Variants in PTPRZ1 observed in about 807,000 individuals in gnomAD.
PTPRZ1 encodes the protein receptor-type tyrosine-protein phosphatase zeta.
PTPRZ1 carries 82 observed loss-of-function variants against 214.1 expected under a neutral mutation model. The observed-to-expected ratio is 0.38, with a 90% CI of 0.32 to 0.46. The LOEUF (loss-of-function observed/expected upper bound fraction) is 0.46. Ranked by LOEUF, PTPRZ1 falls within the 20% of genes least tolerant of loss-of-function variation. The pLI is 1.00. For missense variants in PTPRZ1, 2,603 were observed against 2,748.7 expected, an observed-to-expected ratio of 0.95 and a Z score of 1.19; for synonymous variants, 945 against 987.9, an observed-to-expected ratio of 0.96 and a Z score of 0.81.
chr7:122,054,360 GTGT>G (rs1792285470), intron 26 of PTPRZ1, among the ~76,000 whole-genome samples: 40 of 151,994 alleles, frequency 2.6e-4, no homozygotes, highest in Admixed American at 2.6e-3. Context: ...AAAATAAAAT[GTGT>G]TAGAATATTT....
At chr7:121,935,544 T>TG (rs1563025619) in intron 2 of PTPRZ1, among the ~76,000 whole-genome samples, 1 of 131,090 alleles carries the variant, frequency 7.6e-6, no homozygotes, top group African/African-American at 2.8e-5. Flanking sequence ...TTGGGGTTTT[T>TG]TTTGTTTGTT....
At chr7:121,878,205 A>G (rs1794120365) in intron 1 of PTPRZ1, among the ~76,000 whole-genome samples, 1 of 152,210 alleles carries the variant, frequency 6.6e-6, no homozygotes, top group Non-Finnish European at 1.5e-5. Flanking sequence ...TAGCTATGTA[A>G]TTTAAAATTT....
At chr7:121,940,660 C>A (rs1032291717) in intron 2 of PTPRZ1, among the ~76,000 whole-genome samples, 5 of 152,156 alleles carry the variant, frequency 3.3e-5, no homozygotes, top group Admixed American at 6.5e-5. Flanking sequence ...GTGTCTGGTG[C>A]ATATAAAGTG....
At chr7:121,887,875 A>G (rs951456246) in intron 1 of PTPRZ1, among the ~76,000 whole-genome samples, 1 of 151,932 alleles carries the variant, frequency 6.6e-6, no homozygotes, top group Non-Finnish European at 1.5e-5. Flanking sequence ...CATCCCCCCA[A>G]CACCCCAGCT....
At chr7:122,014,518 A>C (rs964666129) in intron 12 of PTPRZ1, among the ~76,000 whole-genome samples, 12 of 151,992 alleles carry the variant, frequency 7.9e-5, no homozygotes, top group African/African-American at 2.7e-4. Flanking sequence ...GGCTTACTAC[A>C]AGCTCCGCCT....
chr7:121,920,601 A>T (rs1193017994), intron 1 of PTPRZ1, among the ~76,000 whole-genome samples: 1 of 152,210 alleles, frequency 6.6e-6, no homozygotes, highest in African/African-American at 2.4e-5. Context: ...CTAGGTAACT[A>T]TAATGATTGT....
intron 8 of PTPRZ1, among the ~76,000 whole-genome samples, chr7:121,989,616 C>T (rs1426696134): frequency 2.0e-5 from 3 of 152,134 alleles, no homozygotes; most frequent in East Asian, 1.9e-4. Context: ...TCAGGTGATC[C>T]GCCCACCTCG....
Position 122,011,598 on chromosome 7 carries a change from G to A in PTPRZ1, c.2552G>A (p.Ser851Asn). Reference protein sequence around the residue: ...ILPQVTSATESDKVPLHASLP... With the variant: ...ILPQVTSATENDKVPLHASLP... Reference sequence around the variant, plus strand: ...CCACAAGTTACTTCAGCTACCGAGAGTGATAAGGTGCCCTTGCATGCTTCT... The same window carrying A: ...CCACAAGTTACTTCAGCTACCGAGAATGATAAGGTGCCCTTGCATGCTTCT... The change falls in exon 12 of 30, where the codon AGT (serine) becomes AAT (asparagine). Residue 851 changes from serine to asparagine, a missense_variant. Physicochemically the swap from Ser to Asn is conservative, Grantham distance 46. Transcript: ENST00000393386. The A allele has an allele frequency of 6.2e-7, 1 of 1,614,100 alleles. No individual in the cohort carries two copies. Among genetic ancestry groups the A allele is most frequent in the Non-Finnish European group, 8.5e-7 (1 of 1,179,998 alleles).
intron 23 of PTPRZ1, 148 bp from the exon 24 acceptor site, chr7:122,051,280 G>A (rs529815606): frequency 1.3e-4 from 62 of 462,486 alleles, no homozygotes; most frequent in Middle Eastern, 4.6e-4. Flanking sequence ...TTAAATTCAA[G>A]GAATTGTTGG....
At chr7:121,888,624 A>G (rs1794479126) in intron 1 of PTPRZ1, among the ~76,000 whole-genome samples, 1 of 152,166 alleles carries the variant, frequency 6.6e-6, no homozygotes, top group Non-Finnish European at 1.5e-5. Context: ...TTTTTAACTT[A>G]GGGTGAATTT....
At chr7:121,996,328 T>C in intron 8 of PTPRZ1, 54 bp from the exon 9 acceptor site, 1 of 1,288,050 alleles carries the variant, frequency 7.8e-7, no homozygotes, top group East Asian at 2.4e-5. Flanking sequence ...GTTTTATTTA[T>C]TCAAGTCCTC....
intron 2 of PTPRZ1, among the ~76,000 whole-genome samples, chr7:121,962,587 G>A (rs1796914750): frequency 6.7e-6 from 1 of 148,536 alleles, no homozygotes; most frequent in African/African-American, 2.5e-5. Context: ...TTTTTTTTGA[G>A]ACAGTCTTGC....
chr7:121,946,113 G>A (rs538700169), intron 2 of PTPRZ1, among the ~76,000 whole-genome samples: 5 of 152,140 alleles, frequency 3.3e-5, no homozygotes, highest in Admixed American at 6.5e-5. Flanking sequence ...TGATCTGAGT[G>A]GGAAATAGTT....
Position 122,007,170 on chromosome 7 carries a change from A to G in PTPRZ1, c.1287+2510A>G, listed in dbSNP as rs186505180. The stretch of plus-strand genomic sequence containing the variant: ...AGTAGAATTAAAAATCAATGTCATT[A>G]CTTGTTGGTAGAAGGCTATGATCTA... On this transcript the variant is annotated intron_variant, in intron 11 of 29. Coordinates refer to ENST00000393386, the MANE Select transcript of PTPRZ1 (RefSeq NM_002851.3). Among the ~76,000 whole-genome samples the G allele has an allele frequency of 3.1e-3, 467 of 152,280 alleles. 1 individual carries two copies. Among genetic ancestry groups the G allele is most frequent in the Non-Finnish European group, 5.4e-3 (364 of 68,016 alleles).
At chr7:121,879,553 T>C (rs1794167308) in intron 1 of PTPRZ1, among the ~76,000 whole-genome samples, 1 of 152,184 alleles carries the variant, frequency 6.6e-6, no homozygotes, top group African/African-American at 2.4e-5. Flanking sequence ...TGGATGTACG[T>C]GCTTTTGGAG....
intron 2 of PTPRZ1, among the ~76,000 whole-genome samples, chr7:121,954,334 T>A (rs1796644058): frequency 1.3e-5 from 2 of 152,202 alleles, no homozygotes. Context: ...CATTTATTCT[T>A]ACAGCCCCTC....
chr7:122,014,829 G>T (rs930223402), intron 12 of PTPRZ1, among the ~76,000 whole-genome samples: 3 of 152,018 alleles, frequency 2.0e-5, no homozygotes, highest in Admixed American at 6.5e-5. Flanking sequence ...TAATTTTTTT[G>T]TCTTTCTTTA....
intron 1 of PTPRZ1, among the ~76,000 whole-genome samples, chr7:121,882,070 C>T (rs1048313260): frequency 2.6e-5 from 4 of 152,102 alleles, no homozygotes; most frequent in African/African-American, 9.7e-5. Context: ...TTGAAAAGCA[C>T]CAATAACTCC....
At chr7:121,903,467 T>C (rs1795028578) in intron 1 of PTPRZ1, among the ~76,000 whole-genome samples, 2 of 152,222 alleles carry the variant, frequency 1.3e-5, no homozygotes, top group South Asian at 2.1e-4. Flanking sequence ...TTCAAAATTA[T>C]TAGTTTATCA....
Sources: gnomAD v4.1 joint callset for allele counts (sites outside exome capture counted in the v4.1 genomes callset) on GRCh38, gnomAD v4.1.1 for gene constraint, MANE v1.5 for transcripts, NCBI Gene and HGNC (gene_info 2026-07-23, HGNC 2026-07-21) for gene names.